Variants in MAD1L1 observed in about 807,000 individuals in gnomAD.
MAD1L1 encodes the protein mitotic spindle assembly checkpoint protein MAD1.
MAD1L1 carries 95 observed loss-of-function variants against 96.9 expected under a neutral mutation model. The observed-to-expected ratio is 0.98, with a 90% confidence interval of 0.83 to 1.16. The LOEUF is 1.16. Among genes scored for constraint, MAD1L1 ranks in the 50% most tolerant of loss-of-function variants. The pLI is 0.00. For missense variants in MAD1L1, 1,007 were observed against 954.4 expected (o/e 1.06, Z -0.73); for synonymous variants, 473 against 396.6 (o/e 1.19, Z -2.29).
intron 11 of MAD1L1, chr7:2,089,245 T>TGGAATTGCATCTCCC (rs1299870315): frequency 6.6e-6 from 1 of 152,180 alleles, no homozygotes; most frequent in Non-Finnish European, 1.5e-5. Context: ...AAATCCTAAC[T>TGGAATTGCATCTCCC]GGAATTGCAT....
chr7:1,963,288 C>T (rs913719187), intron 15 of MAD1L1, among the ~76,000 whole-genome samples: 2 of 152,176 alleles, frequency 1.3e-5, no homozygotes, highest in Admixed American at 1.3e-4. Context: ...GATCTCTCCC[C>T]CAACCAGCCA....
At chr7:2,004,006 C>T (rs896094410) in intron 13 of MAD1L1, among the ~76,000 whole-genome samples, 2 of 152,202 alleles carry the variant, frequency 1.3e-5, no homozygotes, top group African/African-American at 2.4e-5. Flanking sequence ...GAGCTGCAGC[C>T]CTGGGCACTC....
At chr7:2,137,015 C>T (rs1362278083) in intron 11 of MAD1L1, among the ~76,000 whole-genome samples, 6 of 152,214 alleles carry the variant, frequency 3.9e-5, no homozygotes, top group Admixed American at 6.5e-5. Flanking sequence ...GAGGAGGCCT[C>T]GAGGACCCCA....
intron 7 of MAD1L1, among the ~76,000 whole-genome samples, chr7:2,216,623 CTGA>C: frequency 6.6e-6 from 1 of 152,320 alleles, no homozygotes; most frequent in Non-Finnish European, 1.5e-5. Context: ...CTGCGTGACA[CTGA>C]TGTGTCCAGG....
chr7:2,150,061 A>G (rs1364782266), intron 10 of MAD1L1, among the ~76,000 whole-genome samples: 4 of 152,190 alleles, frequency 2.6e-5, no homozygotes, highest in Non-Finnish European at 5.9e-5. Context: ...CCACATAGAA[A>G]GCAGGCGCTG....
intron 18 of MAD1L1, among the ~76,000 whole-genome samples, chr7:1,827,727 CT>C (rs1451401011): frequency 6.8e-5 from 7 of 103,330 alleles, no homozygotes; most frequent in East Asian, 2.9e-4. Context: ...CTCCTGAGCC[CT>C]GCGTGGCTGT....
At chr7:1,918,095 C>T (rs375304359) in intron 17 of MAD1L1, among the ~76,000 whole-genome samples, 2 of 152,142 alleles carry the variant, frequency 1.3e-5, no homozygotes, top group East Asian at 3.9e-4. Context: ...CCACGGCCAG[C>T]GCCCGGCTCA....
chr7:1,982,980 C>T (rs1232660035), intron 14 of MAD1L1, among the ~76,000 whole-genome samples: 1 of 152,146 alleles, frequency 6.6e-6, no homozygotes, highest in Non-Finnish European at 1.5e-5. Flanking sequence ...TAAAATCAAG[C>T]TGACAGGCTG....
intron 12 of MAD1L1, among the ~76,000 whole-genome samples, chr7:2,067,713 G>A (rs1032206959): frequency 1.6e-4 from 25 of 152,366 alleles, no homozygotes; most frequent in African/African-American, 5.8e-4. Flanking sequence ...CTGCAGCAGC[G>A]CTTTGTGATG....
At chr7:2,132,877 A>G (rs985586550) in intron 11 of MAD1L1, among the ~76,000 whole-genome samples, 4 of 152,232 alleles carry the variant, frequency 2.6e-5, no homozygotes, top group Non-Finnish European at 5.9e-5. Flanking sequence ...AGGACCTGAG[A>G]GGAGGGGTTT....
chr7:1,980,751 T>G, intron 14 of MAD1L1: 1 of 667,048 alleles, frequency 1.5e-6, no homozygotes. Flanking sequence ...TTTTTGTCAC[T>G]TCCATCTCCT....
At chr7:1,995,553 C>CG (rs1327470367) in intron 14 of MAD1L1, among the ~76,000 whole-genome samples, 2 of 152,124 alleles carry the variant, frequency 1.3e-5, no homozygotes, top group African/African-American at 4.8e-5. Flanking sequence ...GAGCCCCAGG[C>CG]GGGGGGCCCA....
At chr7:2,156,249 T>C (rs1330164868) in intron 10 of MAD1L1, among the ~76,000 whole-genome samples, 1 of 151,472 alleles carries the variant, frequency 6.6e-6, no homozygotes, top group Non-Finnish European at 1.5e-5. Context: ...GCGCATGGTT[T>C]CACGGCGCGT....
At chr7:2,048,365 C>T (rs181719565) in intron 12 of MAD1L1, among the ~76,000 whole-genome samples, 1 of 152,292 alleles carries the variant, frequency 6.6e-6, no homozygotes, top group South Asian at 2.1e-4. Context: ...TGCACAAACA[C>T]GGGATTTCCA....
At chr7:1,914,702 C>G (rs889093946) in intron 17 of MAD1L1, among the ~76,000 whole-genome samples, 3 of 152,210 alleles carry the variant, frequency 2.0e-5, no homozygotes, top group African/African-American at 7.2e-5. Flanking sequence ...TGGCCTTGAC[C>G]TCCCAGGCCC....
chr7:1,996,394 C>T (rs1049865748), intron 14 of MAD1L1, among the ~76,000 whole-genome samples: 2 of 152,184 alleles, frequency 1.3e-5, no homozygotes, highest in Non-Finnish European at 2.9e-5. Context: ...AGGGAAGCTC[C>T]GCCGGTGTCC....
At position 2,164,777 on chromosome 7, in the gene MAD1L1, G is replaced by C. The variant is rs535902982; in HGVS notation, c.987-15539C>G. On this transcript the variant is annotated intron_variant, in intron 10 of 18. Transcript: ENST00000265854. ...TAACTGAGCACCTGCTGTGTGCCCA[G>C]CAAGGACACTACATGGACAAACAGA... Among the ~76,000 whole-genome samples the C allele has an allele frequency of 2.6e-3, 403 of 152,326 alleles. 2 individuals carry two copies. The highest frequency in any genetic ancestry group is 1.7e-3 in the Non-Finnish European group (118 of 68,032).
At chr7:1,828,141 C>T (rs188763269) in intron 18 of MAD1L1, among the ~76,000 whole-genome samples, 2,106 of 152,146 alleles carry the variant, frequency 0.014, 40 homozygotes, top group African/African-American at 0.047. Context: ...CCTCAGAGGG[C>T]GGCCGGCAGC....
At chr7:1,951,010 A>C (rs1243233442) in intron 16 of MAD1L1, among the ~76,000 whole-genome samples, 3 of 152,200 alleles carry the variant, frequency 2.0e-5, no homozygotes, top group African/African-American at 7.2e-5. Context: ...GGGGACCAGC[A>C]CTGTCCTGGT....
Sources: allele counts gnomAD v4.1 joint callset (sites outside exome capture counted in the v4.1 genomes callset), GRCh38; gene constraint gnomAD v4.1.1; transcripts MANE v1.5; gene names NCBI Gene and HGNC (gene_info 2026-07-23, HGNC 2026-07-21).